The following FYN variants were observed in gnomAD, a reference collection of about 807,000 sequenced individuals.
The protein encoded by FYN is FYN proto-oncogene, Src family tyrosine kinase, also known as tyrosine-protein kinase Fyn.
A neutral mutation model predicts 70.2 loss-of-function variants in FYN; 10 were observed. The ratio of observed to expected loss-of-function variants is 0.14; its 90% CI spans 0.09 to 0.24. The LOEUF (loss-of-function observed/expected upper bound fraction) is 0.24. FYN is among the 10% of genes least tolerant of loss of function. The probability of loss-of-function intolerance (pLI) is 1.00; values close to 1 mark genes in which losing one functional copy is unlikely to be tolerated. For missense variants in FYN, 319 were observed against 673.1 expected (o/e 0.47, Z 5.82); for synonymous variants, 236 against 248.6 (o/e 0.95, Z 0.48).
chr6:111,777,498 G>C (rs1163826919), intron 3 of FYN, among the ~76,000 whole-genome samples: 1 of 152,054 alleles, frequency 6.6e-6, no homozygotes. Flanking sequence ...GTGCGTTACT[G>C]ATCTACGATA....
At chr6:111,822,581 T>A (rs1474585759) in intron 2 of FYN, among the ~76,000 whole-genome samples, 1 of 151,910 alleles carries the variant, frequency 6.6e-6, no homozygotes, top group African/African-American at 2.4e-5. Context: ...TATACATATG[T>A]AACAAACCTG....
chr6:111,662,359 C>G (rs975822547), intron 13 of FYN, among the ~76,000 whole-genome samples: 4 of 152,226 alleles, frequency 2.6e-5, no homozygotes, highest in African/African-American at 9.6e-5. Context: ...GGTCAACAAA[C>G]TTTTCCTGTA....
rs757960784 is a variant in FYN, at chr6:111,719,791, C to T, written c.247+14G>A. On this transcript the variant is annotated intron_variant, in intron 4 of 13. Coordinates refer to ENST00000354650, the MANE Select transcript of FYN (RefSeq NM_002037.5). ...GCTGCCCCCTCTCTGCACTCTGTGA[C>T]TTTGGGGGCTTACCTGTTCCTCCTC... 6.2e-7 allele frequency: 1 copy of T among 1,612,510 alleles called. No homozygotes were observed. The highest frequency in any genetic ancestry group is 1.1e-5 in the South Asian group (1 of 90,974).
intron 2 of FYN, among the ~76,000 whole-genome samples, chr6:111,822,561 A>G (rs1440092643): frequency 1.3e-5 from 2 of 152,046 alleles, no homozygotes; most frequent in African/African-American, 4.8e-5. Context: ...GCAAACCAAC[A>G]TGGCACATGT....
chr6:111,700,144 G>T lies in FYN; in HGVS notation c.822C>A (p.Ile274=), dbSNP rs1799766745. ...CAAACTGCCCATTTCCCAGTCTCTT[G>T]ATCAACTGCAGGGATTCTCGAGGGA... ...WEIPRESLQL[I]KRLGNGQFGE... is the part of the protein sequence containing the mutation. Residue 274 remains isoleucine (I), a synonymous_variant, in exon 9 of 14, where the codon ATC becomes ATA. Transcript: ENST00000354650. The T allele has an allele frequency of 6.2e-7, 1 of 1,613,896 alleles. No homozygotes were observed. The highest frequency in any genetic ancestry group is 8.5e-7 in the Non-Finnish European group (1 of 1,180,032).
chr6:111,766,998 T>C (rs1803249910), intron 3 of FYN, among the ~76,000 whole-genome samples: 1 of 152,122 alleles, frequency 6.6e-6, no homozygotes, highest in East Asian at 1.9e-4. Flanking sequence ...GCTGCAAAAA[T>C]ATATAGGGGA....
intron 3 of FYN, among the ~76,000 whole-genome samples, chr6:111,736,838 A>T (rs1489094046): frequency 2.0e-5 from 3 of 152,126 alleles, no homozygotes; most frequent in African/African-American, 7.2e-5. Context: ...CTCTCTTAAG[A>T]CTTGTATTTT....
At chr6:111,828,871 A>G (rs922590505) in intron 2 of FYN, among the ~76,000 whole-genome samples, 6 of 152,252 alleles carry the variant, frequency 3.9e-5, no homozygotes, top group African/African-American at 1.4e-4. Flanking sequence ...ACACTTTAAA[A>G]TGGTTAATAT....
At chr6:111,844,174 T>C (rs1012593000) in intron 2 of FYN, among the ~76,000 whole-genome samples, 1 of 152,236 alleles carries the variant, frequency 6.6e-6, no homozygotes, top group African/African-American at 2.4e-5. Context: ...TAGCAGAAGT[T>C]CAATAAACCA....
At chr6:111,720,092 G>T in intron 3 of FYN, 30 bp from the exon 4 acceptor site, 7 of 1,555,670 alleles carry the variant, frequency 4.5e-6, no homozygotes, top group Non-Finnish European at 6.1e-6. Flanking sequence ...GGGCACGTAA[G>T]CTGGGATGCT....
At chr6:111,865,244 G>A (rs1774071798) in intron 1 of FYN, among the ~76,000 whole-genome samples, 1 of 152,212 alleles carries the variant, frequency 6.6e-6, no homozygotes, top group Non-Finnish European at 1.5e-5. Context: ...TACAAGGGCA[G>A]AGTATGTGAT....
intron 3 of FYN, among the ~76,000 whole-genome samples, chr6:111,748,103 CA>C (rs2128484599): frequency 6.6e-6 from 1 of 152,338 alleles, no homozygotes; most frequent in South Asian, 2.1e-4. Flanking sequence ...TTTAACATTA[CA>C]TTCTGTAATT....
At chr6:111,771,423 TA>T (rs1459433128) in intron 3 of FYN, among the ~76,000 whole-genome samples, 2 of 152,220 alleles carry the variant, frequency 1.3e-5, no homozygotes, top group Non-Finnish European at 2.9e-5. Context: ...ACCTACCAAT[TA>T]AAAAATCCAA....
At chr6:111,781,223 C>G (rs1046760761) in intron 2 of FYN, 4 of 152,238 alleles carry the variant, frequency 2.6e-5, no homozygotes, top group Non-Finnish European at 5.9e-5. Flanking sequence ...CTGTTATCAT[C>G]ATTCTCCCAG....
chr6:111,706,066 T>TA, intron 6 of FYN, among the ~76,000 whole-genome samples: 2 of 152,330 alleles, frequency 1.3e-5, no homozygotes, highest in Non-Finnish European at 2.9e-5. Context: ...TTCAATATAT[T>TA]ATCCCTGAAG....
At chr6:111,701,341 C>T (rs1202177424) in intron 8 of FYN, among the ~76,000 whole-genome samples, 1 of 152,136 alleles carries the variant, frequency 6.6e-6, no homozygotes, top group African/African-American at 2.4e-5. Context: ...GTGGACAGAC[C>T]TCCCGCTCCC....
chr6:111,684,568 GA>G lies in FYN; in HGVS notation c.1273+9806del, dbSNP rs1282521535. On this transcript the variant is annotated intron_variant, in intron 12 of 13. Coordinates refer to ENST00000354650, the MANE Select transcript of FYN (RefSeq NM_002037.5). ...AAATTGTGGAAGGGCATTCGATCCA[GA>G]CATGGAGGCTACCAGAAGGTAAACT... 2.0e-5 allele frequency among the ~76,000 whole-genome samples: 3 copies of G among 152,174 alleles called. No individual in the cohort carries two copies. The East Asian group carries it at 5.8e-4, about 29-fold the overall frequency.
In FYN at chr6:111,703,004, T is replaced by C. The variant is rs1799909444; in HGVS notation, c.578A>G (p.Asp193Gly). 1.2e-6 allele frequency: 2 copies of C among 1,613,980 alleles called. No homozygotes were observed. The highest frequency in any genetic ancestry group is 1.7e-6 in the Non-Finnish European group (2 of 1,179,992). ...GAYSLSIRDW[D>G]DMKGDHVKHY... ...TTTGACATGGTCTCCTTTCATATCATCCCAATCACGGATAGAAAGTGAATA... is the reference window on the plus strand; with the variant it reads ...TTTGACATGGTCTCCTTTCATATCACCCCAATCACGGATAGAAAGTGAATA... Residue 193 changes from aspartate to glycine, a missense_variant, in exon 8 of 14, where the codon GAT becomes GGT. Asp to Gly is a moderately conservative substitution (Grantham distance 94, BLOSUM62 -1). Around this residue, in one of 4 missense-constraint regions of FYN, gnomAD observed 112 missense variants for 250.2 expected, o/e 0.45. Transcript: ENST00000354650.
chr6:111,734,715 A>C (rs1469960996), intron 3 of FYN, among the ~76,000 whole-genome samples: 2 of 152,060 alleles, frequency 1.3e-5, no homozygotes, highest in African/African-American at 2.4e-5. Flanking sequence ...CCCCAAACAA[A>C]AGTTACTCCG....
Sources: allele counts gnomAD v4.1 joint callset (sites outside exome capture counted in the v4.1 genomes callset), GRCh38; gene constraint gnomAD v4.1.1; regional missense constraint gnomAD v4.1.1; transcripts MANE v1.5; gene names NCBI Gene and HGNC (gene_info 2026-07-23, HGNC 2026-07-21).